TRPV1: variants seen among roughly 807,000 people sequenced by gnomAD.
TRPV1 encodes the protein OTRPC1.
TRPV1 carries 82 observed loss-of-function variants against 82.3 expected under a neutral mutation model. That is an observed-to-expected ratio of 1.00 (90% CI 0.83 to 1.20). The LOEUF is 1.20. Among genes scored for constraint, TRPV1 ranks in the 50% most tolerant of loss-of-function variants. The probability of loss-of-function intolerance (pLI) is 0.00; values close to 1 mark genes in which losing one functional copy is unlikely to be tolerated. For missense variants in TRPV1, 1,067 were observed against 1,096.8 expected (o/e 0.97, Z 0.38); for synonymous variants, 515 against 467.7 (o/e 1.10, Z -1.30).
chr17:3,571,464 C>T lies in TRPV1; in HGVS notation c.2347+60G>A, dbSNP rs1018658001. 64 of 1,376,858 alleles carry T rather than the reference C, an allele frequency of 4.6e-5. No individual in the cohort carries two copies. In the East Asian group the frequency reaches 1.6e-3, roughly 34 times the overall value. The allele number at this position is 1,376,858 out of a possible 1,614,324, so 85.3% of individuals were successfully genotyped here. On this transcript the variant is annotated intron_variant, in intron 16 of 16. Transcript: ENST00000572705. ...AGGCGTGGGGAACCTGCAAAGCTCC[C>T]CCTGCCCAACATCAGGCCACCAGCC...
intron 13 of TRPV1, among the ~76,000 whole-genome samples, chr17:3,575,412 G>C (rs773334880): frequency 2.6e-5 from 4 of 151,968 alleles, no homozygotes; most frequent in Non-Finnish European, 5.9e-5. Context: ...GAACCTGGGA[G>C]GCCGAGGTTG....
chr17:3,600,828 TG>T (rs372777220), intron 2 of TRPV1, among the ~76,000 whole-genome samples: 92 of 152,188 alleles, frequency 6.0e-4, no homozygotes, highest in African/African-American at 2.1e-3. Context: ...TCCCCACACC[TG>T]GGGGTCCAAG....
chr17:3,568,202 G>A (rs1007712726), intron 16 of TRPV1, among the ~76,000 whole-genome samples: 23 of 151,460 alleles, frequency 1.5e-4, no homozygotes, highest in South Asian at 4.2e-4. Context: ...GGCGCCTGTA[G>A]TCCCAGCTAC....
At chr17:3,573,271 G>A (rs540597083) in intron 14 of TRPV1, among the ~76,000 whole-genome samples, 5 of 152,220 alleles carry the variant, frequency 3.3e-5, no homozygotes, top group South Asian at 2.1e-4. Context: ...ACACCCTGTC[G>A]GGCTGAGCCC....
At chr17:3,568,397 C>A (rs1567655630) in intron 16 of TRPV1, among the ~76,000 whole-genome samples, 1 of 151,492 alleles carries the variant, frequency 6.6e-6, no homozygotes, top group African/African-American at 2.4e-5. Flanking sequence ...AGCTCTCTGG[C>A]AAAGTTAGAC....
intron 13 of TRPV1, 55 bp from the exon 14 acceptor site, chr17:3,574,010 C>T: frequency 1.4e-6 from 2 of 1,427,640 alleles, no homozygotes; most frequent in Non-Finnish European, 1.9e-6. Flanking sequence ...TATCCCAAGT[C>T]CCCTGACATA....
intron 13 of TRPV1, among the ~76,000 whole-genome samples, chr17:3,576,279 A>G (rs960873592): frequency 6.6e-6 from 1 of 151,968 alleles, no homozygotes; most frequent in Non-Finnish European, 1.5e-5. Context: ...GCACTTTGGG[A>G]GGCCAAGGTG....
At chr17:3,584,660 T>C (rs570380907) in intron 9 of TRPV1, among the ~76,000 whole-genome samples, 4 of 151,542 alleles carry the variant, frequency 2.6e-5, no homozygotes, top group South Asian at 2.1e-4. Flanking sequence ...GCTTGGCATG[T>C]TGGTGGGTGC....
intron 8 of TRPV1, among the ~76,000 whole-genome samples, 186 bp downstream of exon 8, chr17:3,588,002 C>T (rs145311246): frequency 1.8e-4 from 28 of 152,266 alleles, no homozygotes; most frequent in African/African-American, 5.5e-4. Flanking sequence ...ATGATAATCA[C>T]GTATGGTTGC....
intron 7 of TRPV1, 37 bp from the exon 8 acceptor site, chr17:3,588,404 C>T: frequency 5.8e-6 from 9 of 1,544,894 alleles, no homozygotes; most frequent in Non-Finnish European, 7.9e-6. Context: ...AGAGGCCAGC[C>T]CCAGGCTCAG....
At position 3,585,780 on chromosome 17, in the gene TRPV1, G is replaced by A. The variant is rs375761574; in HGVS notation, c.1371C>T (p.Pro457=). 61 of 1,613,102 alleles carry A rather than the reference G, an allele frequency of 3.8e-5. No homozygotes were observed. Among genetic ancestry groups the A allele is most frequent in the South Asian group, 1.9e-4 (17 of 90,894 alleles). Residue 457 remains proline, a synonymous_variant, in exon 9 of 17, where the codon CCC becomes CCT. Transcript: ENST00000572705. The part of the protein sequence containing the change: ...IIFTMAAYYR[P]VDGLPPFKME... ...CCTCTGGCCGCACCAAGCCATCCAC[G>A]GGCCTGTAGTAGGCAGCCATGGTGA...
chr17:3,587,281 G>A (rs192565873), intron 8 of TRPV1, among the ~76,000 whole-genome samples: 150 of 152,232 alleles, frequency 9.9e-4, no homozygotes, highest in African/African-American at 3.5e-3. Flanking sequence ...TCCCAGCCCC[G>A]GACTCTGCTC....
At chr17:3,571,988 A>T (rs919987122) in intron 15 of TRPV1, 134 bp downstream of exon 15, 1 of 1,221,876 alleles carries the variant, frequency 8.2e-7, no homozygotes, top group South Asian at 1.5e-5. Context: ...GACGGCCCCA[A>T]TCCCTACAGC....
intron 8 of TRPV1, among the ~76,000 whole-genome samples, chr17:3,586,941 G>A (rs559053140): frequency 1.3e-5 from 2 of 152,246 alleles, no homozygotes; most frequent in South Asian, 2.1e-4. Context: ...CTTTGGGAAT[G>A]GGAAACTCCT....
At chr17:3,586,160 G>GA (rs2075083024) in intron 8 of TRPV1, among the ~76,000 whole-genome samples, 1 of 152,248 alleles carries the variant, frequency 6.6e-6, no homozygotes, top group Non-Finnish European at 1.5e-5. Context: ...GAGGTGCAGT[G>GA]AATGGGGTGA....
chr17:3,602,214 G>C (rs2075268383), intron 2 of TRPV1: 1 of 152,224 alleles, frequency 6.6e-6, no homozygotes, highest in Non-Finnish European at 1.5e-5. Flanking sequence ...GTATAGACAT[G>C]TAACGTCATG....
At chr17:3,583,488 T>C in intron 9 of TRPV1, 58 bp from the exon 10 acceptor site, 1 of 1,371,334 alleles carries the variant, frequency 7.3e-7, no homozygotes, top group Non-Finnish European at 1.0e-6. Flanking sequence ...TCAACAAACA[T>C]GGACCAGGTC....
At chr17:3,589,778 C>A in intron 7 of TRPV1, 29 bp downstream of exon 7, 1 of 1,590,364 alleles carries the variant, frequency 6.3e-7, no homozygotes, top group East Asian at 2.2e-5. Context: ...CCCCGCACCG[C>A]ACCAGCCTGA....
chr17:3,576,688 T>TATATATATATATATATGC (rs1555549476), intron 13 of TRPV1, among the ~76,000 whole-genome samples: 3 of 99,318 alleles, frequency 3.0e-5, no homozygotes, highest in African/African-American at 1.0e-4. Context: ...TATATATATA[T>TATATATATATATATATGC]ATGCATAAAA....
Sources: gnomAD v4.1 joint callset for allele counts (sites outside exome capture counted in the v4.1 genomes callset) on GRCh38, gnomAD v4.1.1 for gene constraint, MANE v1.5 for transcripts, NCBI Gene and HGNC (gene_info 2026-07-23, HGNC 2026-07-21) for gene names.